FAM168A: variants seen among roughly 807,000 people sequenced by gnomAD.
FAM168A encodes family with sequence similarity 168 member A.
Under a neutral mutation model 28.5 loss-of-function variants are expected in FAM168A, and 3 were observed. That is an observed-to-expected ratio of 0.11 (90% CI 0.05 to 0.27). The LOEUF is 0.27. FAM168A is among the 10% of genes least tolerant of loss of function. The pLI is 1.00. For synonymous variants in FAM168A, 122 were observed against 124.2 expected (o/e 0.98, Z 0.12); for missense variants, 222 against 311.5 (o/e 0.71, Z 2.16).
intron 1 of FAM168A, among the ~76,000 whole-genome samples, chr11:73,485,947 T>A (rs537630818): frequency 6.6e-6 from 1 of 152,326 alleles, no homozygotes; most frequent in Admixed American, 6.5e-5. Context: ...AGCCCCCGCA[T>A]TTATAAATAG....
At chr11:73,407,711 G>A (rs866422151) in intron 6 of FAM168A, 68 bp from the exon 7 acceptor site, 4 of 1,327,530 alleles carry the variant, frequency 3.0e-6, no homozygotes, top group Middle Eastern at 3.6e-4. Flanking sequence ...AGAGGATGAA[G>A]CTACAGTCTT....
intron 1 of FAM168A, among the ~76,000 whole-genome samples, chr11:73,481,591 C>G (rs1428686723): frequency 6.6e-6 from 1 of 152,162 alleles, no homozygotes; most frequent in African/African-American, 2.4e-5. Flanking sequence ...CGGTTACTTA[C>G]AAGAGGTTAC....
chr11:73,464,254 T>C (rs191132144), intron 2 of FAM168A, among the ~76,000 whole-genome samples: 6 of 145,396 alleles, frequency 4.1e-5, no homozygotes, highest in Non-Finnish European at 7.5e-5. Context: ...ATAAACAAAG[T>C]ACAAATGTCA....
intron 1 of FAM168A, among the ~76,000 whole-genome samples, chr11:73,562,157 G>A (rs1026125116): frequency 6.6e-6 from 1 of 152,170 alleles, no homozygotes; most frequent in Non-Finnish European, 1.5e-5. Context: ...TGGTCAGGCT[G>A]GTCTCAAACT....
chr11:73,558,431 T>G (rs1943914748), intron 1 of FAM168A, among the ~76,000 whole-genome samples: 1 of 141,162 alleles, frequency 7.1e-6, no homozygotes, highest in Non-Finnish European at 1.5e-5. Context: ...ATCATGCCAC[T>G]GTACTCCAAC....
chr11:73,483,926 A>G (rs1307475738), intron 1 of FAM168A, among the ~76,000 whole-genome samples: 6 of 152,224 alleles, frequency 3.9e-5, no homozygotes, highest in Non-Finnish European at 5.9e-5. Flanking sequence ...AGGAATGAAG[A>G]TTGTATGGGG....
rs199999995 is a variant in FAM168A at position 73,484,695 on chromosome 11, GATATAGATAT to G, written c.-18-16213_-18-16204del. ...AGATATGTATCGCTATAGATATATAGATATAGATATATATAGATATATATATAGATATATA... is the reference window on the plus strand; with the variant it reads ...AGATATGTATCGCTATAGATATATAGATATAGATATATATATAGATATATA... On this transcript the variant is annotated intron_variant, in intron 1 of 7. Transcript: ENST00000356467. 7.7e-3 allele frequency among the ~76,000 whole-genome samples: 619 copies of G among 80,194 alleles called. 5 individuals are homozygous for G. The highest frequency in any genetic ancestry group is 0.035 in the Admixed American group (342 of 9,750). The allele number at this position is 80,194 out of a possible 152,430, so 52.6% of individuals were successfully genotyped here.
Position 73,406,243 on chromosome 11 carries a change from C to T in FAM168A, c.*520G>A, listed in dbSNP as rs1866504236. The T allele has an allele frequency of 1.3e-5, 2 of 152,086 alleles. No individual in the cohort carries two copies. The highest frequency in any genetic ancestry group is 2.4e-5 in the African/African-American group (1 of 41,390). The allele number at this position is 152,086 out of a possible 1,614,324, so 9.4% of individuals were successfully genotyped here. A position where few individuals can be genotyped will look rare whatever the true frequency, so the allele number is the denominator to read the frequency against. On this transcript the variant is annotated 3_prime_UTR_variant, in exon 8 of 8. Transcript: ENST00000356467. ...GTCTGTTGCAATGGTTCTCAGGAGACATTTCATTTGTGTCTGGGACATGGG... is the reference window on the plus strand; with the variant it reads ...GTCTGTTGCAATGGTTCTCAGGAGATATTTCATTTGTGTCTGGGACATGGG...
At chr11:73,424,953 G>C in intron 3 of FAM168A, 1 of 1,299,288 alleles carries the variant, frequency 7.7e-7, no homozygotes, top group African/African-American at 1.5e-5. Context: ...GAGGAGAGGG[G>C]ATCTACCATT....
chr11:73,491,724 T>C (rs780943771), intron 1 of FAM168A, among the ~76,000 whole-genome samples: 7 of 152,210 alleles, frequency 4.6e-5, no homozygotes, highest in South Asian at 4.1e-4. Flanking sequence ...AACCCAGCTA[T>C]AGTCTAAGAT....
chr11:73,438,958 C>G lies in FAM168A; in HGVS notation c.71-8188G>C, dbSNP rs116275395. Among the ~76,000 whole-genome samples, 1,061 of 151,850 alleles carry G rather than the reference C, an allele frequency of 7.0e-3. 18 individuals carry two copies. Among genetic ancestry groups the G allele is most frequent in the African/African-American group, 0.024 (1,000 of 41,404 alleles). On this transcript the variant is annotated intron_variant, in intron 2 of 7. Transcript: ENST00000356467. ...CAAGTACTATCCCCCCGCCTCACCC[C>G]CCCTTCTTTTCTTTGATAGGCAGAA... is the stretch of plus-strand genomic sequence containing the variant.
intron 1 of FAM168A, among the ~76,000 whole-genome samples, chr11:73,582,271 C>CA (rs1361687332): frequency 1.3e-5 from 2 of 151,032 alleles, no homozygotes; most frequent in African/African-American, 4.9e-5. Flanking sequence ...CCTGTAATCC[C>CA]AGCACTTTGG....
chr11:73,570,781 T>C (rs1292933645), intron 1 of FAM168A, among the ~76,000 whole-genome samples: 1 of 151,034 alleles, frequency 6.6e-6, no homozygotes, highest in Non-Finnish European at 1.5e-5. Context: ...TATTTAAGTA[T>C]CATAAAAATA....
Position 73,405,569 on chromosome 11 carries a change from G to A in FAM168A, c.*1194C>T, listed in dbSNP as rs1866491120. On this transcript the variant is annotated 3_prime_UTR_variant, in exon 8 of 8. Transcript: ENST00000356467. ...TCATCTGCCAAATAGGGAAATGGAT[G>A]AGATGATTGCTAAGGTCCCTTCAGT... 1 of 152,262 alleles carries A rather than the reference G, an allele frequency of 6.6e-6. No individual in the cohort carries two copies. 9.4% of individuals were successfully genotyped at this position (152,262 alleles called of 1,614,324 possible).
rs1263033622 is a variant in FAM168A at position 73,403,479 on chromosome 11, G to A, written c.*3284C>T. 6.6e-6 allele frequency: 1 copy of A among 152,222 alleles called. No homozygotes were observed. Among genetic ancestry groups the A allele is most frequent in the Non-Finnish European group, 1.5e-5 (1 of 68,078 alleles). 9.4% of individuals were successfully genotyped at this position (152,222 alleles called of 1,614,324 possible). ...GGAGGAGAGAGGGGTTTGCATCCTG[G>A]GGCCAGTGCTGTAGCTCACTGTCAG... On this transcript the variant is annotated 3_prime_UTR_variant, in exon 8 of 8. Transcript: ENST00000356467.
intron 2 of FAM168A, among the ~76,000 whole-genome samples, chr11:73,439,980 G>A (rs937850123): frequency 1.4e-5 from 2 of 146,164 alleles, no homozygotes; most frequent in African/African-American, 5.1e-5. Context: ...CTGCCTCCCA[G>A]GTTCAAGTGA....
At position 73,496,873 on chromosome 11, in the gene FAM168A, T is replaced by TCACACA. The variant is rs71065011; in HGVS notation, c.-18-28387_-18-28382dup. Among the ~76,000 whole-genome samples the TCACACA allele has an allele frequency of 7.7e-3, 1,084 of 140,196 alleles. 17 individuals are homozygous for TCACACA. The highest frequency in any genetic ancestry group is 0.025 in the African/African-American group (911 of 36,852). 92.0% of individuals were successfully genotyped at this position (140,196 alleles called of 152,430 possible). A position where few individuals can be genotyped will look rare whatever the true frequency, so the allele number is the denominator to read the frequency against. ...CTGCACCCAGCCCTGTATGTTCTTATCACACACACACACACACACACACAC... is the reference window on the plus strand; with the variant it reads ...CTGCACCCAGCCCTGTATGTTCTTATCACACACACACACACACACACACACACACAC... On this transcript the variant is annotated intron_variant, in intron 1 of 7. Transcript: ENST00000356467.
intron 1 of FAM168A, among the ~76,000 whole-genome samples, chr11:73,502,921 G>A (rs928847148): frequency 6.6e-6 from 1 of 152,134 alleles, no homozygotes; most frequent in African/African-American, 2.4e-5. Flanking sequence ...CTCAATAGAT[G>A]CAGAAAAGGC....
intron 1 of FAM168A, among the ~76,000 whole-genome samples, chr11:73,518,035 T>C (rs1385433633): frequency 6.6e-6 from 1 of 152,228 alleles, no homozygotes; most frequent in Non-Finnish European, 1.5e-5. Flanking sequence ...CACATACTAG[T>C]ACTTGTTGAA....
Sources: allele counts gnomAD v4.1 joint callset (sites outside exome capture counted in the v4.1 genomes callset), GRCh38; gene constraint gnomAD v4.1.1; transcripts MANE v1.5; gene names NCBI Gene and HGNC (gene_info 2026-07-23, HGNC 2026-07-21).